The following TMEM132D variants were observed in gnomAD, a reference collection of about 807,000 sequenced individuals.
TMEM132D encodes the protein mature OL transmembrane protein.
TMEM132D carries 21 observed loss-of-function variants against 62.3 expected under a neutral mutation model. The observed-to-expected ratio is 0.34, with a 90% CI of 0.24 to 0.49. The LOEUF (loss-of-function observed/expected upper bound fraction) is 0.49. TMEM132D is among the 20% of genes least tolerant of loss of function. The probability of loss-of-function intolerance (pLI) is 0.99; values close to 1 mark genes in which losing one functional copy is unlikely to be tolerated. For synonymous variants in TMEM132D, 621 were observed against 575.6 expected, an observed-to-expected ratio of 1.08 and a Z score of -1.13; for missense variants, 1,346 against 1,402.8, an observed-to-expected ratio of 0.96 and a Z score of 0.65.
At chr12:129,312,775 G>T (rs554223089) in intron 4 of TMEM132D, among the ~76,000 whole-genome samples, 24 of 152,134 alleles carry the variant, frequency 1.6e-4, no homozygotes, top group Admixed American at 3.3e-4. Flanking sequence ...ACAAATTCTT[G>T]CCCCCTCCAT....
At chr12:129,830,563 T>C (rs1872799555) in intron 1 of TMEM132D, among the ~76,000 whole-genome samples, 1 of 152,166 alleles carries the variant, frequency 6.6e-6, no homozygotes, top group Admixed American at 6.5e-5. Flanking sequence ...CCTTTCTGAA[T>C]GGAACCAGTA....
intron 2 of TMEM132D, among the ~76,000 whole-genome samples, chr12:129,619,577 T>A (rs1296538368): frequency 2.0e-5 from 3 of 152,240 alleles, no homozygotes; most frequent in African/African-American, 7.2e-5. Context: ...ACCCATTTGA[T>A]TTTTTAACTT....
At position 129,795,679 on chromosome 12, in the gene TMEM132D, CTT is replaced by C. The variant is rs375809396; in HGVS notation, c.80-94983_80-94982del. Among the ~76,000 whole-genome samples, 1,025 of 152,252 alleles carry C rather than the reference CTT, an allele frequency of 6.7e-3. 11 individuals are homozygous for C. Among genetic ancestry groups the C allele is most frequent in the African/African-American group, 0.022 (934 of 41,546 alleles). ...TACTCCTATCTTACAGTTTTTCTCT[CTT>C]TACATCAAAAATGTATGTTGGGTTT... On this transcript the variant is annotated intron_variant, in intron 1 of 8. Coordinates refer to ENST00000422113, the MANE Select transcript of TMEM132D (RefSeq NM_133448.3).
At chr12:129,514,132 C>A (rs2137076164) in intron 3 of TMEM132D, among the ~76,000 whole-genome samples, 1 of 152,252 alleles carries the variant, frequency 6.6e-6, no homozygotes, top group Non-Finnish European at 1.5e-5. Context: ...AGCCACCGAG[C>A]CCGGCCAATG....
chr12:129,243,490 G>A (rs892999484), intron 4 of TMEM132D, among the ~76,000 whole-genome samples: 1 of 152,184 alleles, frequency 6.6e-6, no homozygotes, highest in Non-Finnish European at 1.5e-5. Context: ...GGGGTGCAGA[G>A]TCCGGCTTAA....
intron 3 of TMEM132D, among the ~76,000 whole-genome samples, chr12:129,432,239 A>T (rs1273238320): frequency 6.6e-6 from 1 of 150,672 alleles, no homozygotes; most frequent in Non-Finnish European, 1.5e-5. Flanking sequence ...GGATGGATGG[A>T]TGGATGGTTG....
chr12:129,512,850 T>C (rs1875535637), intron 3 of TMEM132D, among the ~76,000 whole-genome samples: 1 of 152,152 alleles, frequency 6.6e-6, no homozygotes, highest in Non-Finnish European at 1.5e-5. Flanking sequence ...AGAAATGTAG[T>C]TTAGGATCCA....
At chr12:129,191,691 T>G (rs938900735) in intron 5 of TMEM132D, among the ~76,000 whole-genome samples, 1 of 151,720 alleles carries the variant, frequency 6.6e-6, no homozygotes, top group Non-Finnish European at 1.5e-5. Context: ...TATCTCCTAT[T>G]TTTCTTCTCT....
intron 5 of TMEM132D, among the ~76,000 whole-genome samples, chr12:129,189,708 C>T (rs1048036201): frequency 6.6e-6 from 1 of 152,150 alleles, no homozygotes; most frequent in African/African-American, 2.4e-5. Context: ...TCAGGTGGCA[C>T]AACACCATTT....
At chr12:129,521,675 G>A (rs531298910) in intron 3 of TMEM132D, 1 of 152,134 alleles carries the variant, frequency 6.6e-6, no homozygotes, top group Admixed American at 6.6e-5. Flanking sequence ...TTCCTTCAGC[G>A]TCACACTTCA....
intron 1 of TMEM132D, among the ~76,000 whole-genome samples, chr12:129,740,784 T>C (rs1378044762): frequency 2.0e-5 from 3 of 152,146 alleles, no homozygotes; most frequent in Non-Finnish European, 4.4e-5. Flanking sequence ...TAAAAATTAG[T>C]AGGGTAATTC....
chr12:129,789,825 T>C (rs559201458), intron 1 of TMEM132D, among the ~76,000 whole-genome samples: 3 of 152,340 alleles, frequency 2.0e-5, no homozygotes, highest in East Asian at 3.9e-4. Context: ...CTTTTATCCA[T>C]GAAAATTGCT....
intron 6 of TMEM132D, among the ~76,000 whole-genome samples, chr12:129,083,364 A>G (rs1413757910): frequency 6.6e-6 from 1 of 152,190 alleles, no homozygotes; most frequent in Non-Finnish European, 1.5e-5. Context: ...CTCCACTGCC[A>G]TGTCTGAACC....
rs150426441 is a variant in TMEM132D, at chr12:129,655,940, T to A, written c.968+43870A>T. ...CTGGCCATGGAAATACAACCTGAAG[T>A]GACCAAACTTCTCTTTCGGTTCCTC... On this transcript the variant is annotated intron_variant, in intron 2 of 8. Coordinates refer to ENST00000422113, the MANE Select transcript of TMEM132D (RefSeq NM_133448.3). 5.5e-3 allele frequency among the ~76,000 whole-genome samples: 836 copies of A among 152,228 alleles called. 3 individuals carry two copies. The highest frequency in any genetic ancestry group is 0.034 in the Middle Eastern group (10 of 294).
chr12:129,563,351 T>C (rs1877288121), intron 2 of TMEM132D, among the ~76,000 whole-genome samples: 3 of 152,248 alleles, frequency 2.0e-5, no homozygotes, highest in Non-Finnish European at 4.4e-5. Flanking sequence ...TTATGTATTT[T>C]TGATCCTCAG....
chr12:129,877,715 C>T (rs558032027), intron 1 of TMEM132D, among the ~76,000 whole-genome samples: 1 of 152,178 alleles, frequency 6.6e-6, no homozygotes, highest in East Asian at 1.9e-4. Flanking sequence ...GTGATGACAA[C>T]TCCTTTTGGA....
At chr12:129,530,866 C>A (rs1307740061) in intron 3 of TMEM132D, among the ~76,000 whole-genome samples, 193 bp downstream of exon 3, 1 of 151,924 alleles carries the variant, frequency 6.6e-6, no homozygotes, top group African/African-American at 2.4e-5. Flanking sequence ...TTAAGTAGGT[C>A]TGCTGTGAAT....
At position 129,270,717 on chromosome 12, in the gene TMEM132D, A is replaced by C. The variant is rs1004605810; in HGVS notation, c.1300-61054T>G. The stretch of plus-strand genomic sequence containing the variant: ...CAGCTTGCAGTTCAAGTTAAGTCAC[A>C]AGAATTATGCACTTTTTTGTTTCTC... On this transcript the variant is annotated intron_variant, in intron 4 of 8. Coordinates refer to ENST00000422113, the MANE Select transcript of TMEM132D (RefSeq NM_133448.3). 8.5e-5 allele frequency among the ~76,000 whole-genome samples: 13 copies of C among 152,176 alleles called. 1 individual carries two copies. Among genetic ancestry groups the C allele is most frequent in the Admixed American group, 5.2e-4 (8 of 15,278 alleles).
chr12:129,250,014 C>T (rs1419187310), intron 4 of TMEM132D, among the ~76,000 whole-genome samples: 1 of 152,170 alleles, frequency 6.6e-6, no homozygotes, highest in African/African-American at 2.4e-5. Flanking sequence ...GCGTACCCCG[C>T]TGAGACCTCC....
Sources: allele counts gnomAD v4.1 joint callset (sites outside exome capture counted in the v4.1 genomes callset), GRCh38; gene constraint gnomAD v4.1.1; transcripts MANE v1.5; gene names NCBI Gene and HGNC (gene_info 2026-07-23, HGNC 2026-07-21).